The following ZC3HAV1 variants were observed in gnomAD, a reference collection of about 807,000 sequenced individuals.
The protein encoded by ZC3HAV1 is zinc finger CCCH-type containing, antiviral 1.
ZC3HAV1 carries 41 observed loss-of-function variants against 86.6 expected under a neutral mutation model. The observed-to-expected ratio is 0.47, with a 90% CI of 0.37 to 0.61. The LOEUF (loss-of-function observed/expected upper bound fraction) is 0.61, where lower values mean the gene tolerates loss of function less well. Ranked by LOEUF, ZC3HAV1 falls within the 20% of genes least tolerant of loss-of-function variation. ZC3HAV1 has a pLI of 0.00. For missense variants in ZC3HAV1, 964 were observed against 1,141.1 expected (o/e 0.84, Z 2.24); for synonymous variants, 421 against 432.1 (o/e 0.97, Z 0.32).
chr7:139,053,479 A>C lies in ZC3HAV1; in HGVS notation c.2421T>G (p.His807Gln). 1 of 1,602,134 alleles carries C rather than the reference A, an allele frequency of 6.2e-7. No individual in the cohort carries two copies. Among genetic ancestry groups the C allele is most frequent in the East Asian group, 2.2e-5 (1 of 44,528 alleles). ...ICSNNFDSFL[H>Q]ETHENKYGKG... is the part of the protein sequence containing the mutation. ...TTCCGTATTTGTTTTCATGAGTTTC[A>C]TGTAGGAAACTGTCAAAATTATTCG... Residue 807 changes from histidine (H) to glutamine (Q), a missense_variant, in exon 12 of 13, where the codon CAT becomes CAG. Coordinates refer to ENST00000242351, the MANE Select transcript of ZC3HAV1 (RefSeq NM_020119.4).
rs1261458153 is a variant in ZC3HAV1, at chr7:139,045,688, T to A, written c.*1906A>T. 1 of 152,084 alleles carries A rather than the reference T, an allele frequency of 6.6e-6. No homozygotes were observed. Among genetic ancestry groups the A allele is most frequent in the Non-Finnish European group, 1.5e-5 (1 of 68,026 alleles). 9.4% of individuals were successfully genotyped at this position (152,084 alleles called of 1,614,324 possible). On this transcript the variant is annotated 3_prime_UTR_variant, in exon 13 of 13. Transcript: ENST00000242351. Reference sequence around the variant, plus strand: ...GGGAGGTAGATGGAGAGTTCCACTTTGGACATATTGAATCAAAGATGCCTG... The same window carrying A: ...GGGAGGTAGATGGAGAGTTCCACTTAGGACATATTGAATCAAAGATGCCTG...
Position 139,078,641 on chromosome 7 carries a change from T to G in ZC3HAV1, c.1484A>C (p.Asp495Ala). Residue 495 changes from aspartate (D) to alanine (A), a missense_variant, in exon 5 of 13, where the codon GAT (aspartate) becomes GCT (alanine). By Grantham distance (126) the Asp-to-Ala change is moderately radical. Coordinates refer to ENST00000242351, the MANE Select transcript of ZC3HAV1 (RefSeq NM_020119.4). ...CCTAGAAGATGTGGTACTTGTGACA[T>G]CAGATAAAGAATCTATGAAACAAAA... The part of the protein sequence containing the change: ...RVALVNDSLS[D>A]VTSTTSSRVD... 1 of 1,569,782 alleles carries G rather than the reference T, an allele frequency of 6.4e-7. No homozygotes were observed. The highest frequency in any genetic ancestry group is 8.6e-7 in the Non-Finnish European group (1 of 1,167,588).
At chr7:139,079,238 G>A (rs1443217224) in intron 4 of ZC3HAV1, 2 of 1,536,664 alleles carry the variant, frequency 1.3e-6, no homozygotes, top group East Asian at 4.9e-5. Context: ...CTGAGGCAGA[G>A]TGCTGACTTG....
chr7:139,109,522 G>A lies in ZC3HAV1; in HGVS notation c.-191C>T. 1 of 678,024 alleles carries A rather than the reference G, an allele frequency of 1.5e-6. No individual in the cohort carries two copies. Among genetic ancestry groups the A allele is most frequent in the Non-Finnish European group, 2.3e-6 (1 of 431,568 alleles). The allele number at this position is 678,024 out of a possible 1,614,324, so 42.0% of individuals were successfully genotyped here. ...TCCACTCTCGGCTCTCAGGTCAAGA[G>A]GCTAGATCTCACCGACCGGGTCCTA... On this transcript the variant is annotated 5_prime_UTR_variant, in exon 1 of 13. Transcript: ENST00000242351.
At chr7:139,097,401 C>CATATATATATATATATATATATATAT (rs1183885767) in intron 1 of ZC3HAV1, among the ~76,000 whole-genome samples, 4 of 63,854 alleles carry the variant, frequency 6.3e-5, no homozygotes, top group East Asian at 6.2e-4. Context: ...ATTGGAACTC[C>CATATATATATATATATATATATATAT]ATATATATAT....
At chr7:139,092,095 G>A (rs1435576383) in intron 1 of ZC3HAV1, among the ~76,000 whole-genome samples, 2 of 152,212 alleles carry the variant, frequency 1.3e-5, no homozygotes, top group African/African-American at 4.8e-5. Flanking sequence ...ATGGTTACAA[G>A]AAAGTAAACA....
chr7:139,097,225 C>T (rs1817616471), intron 1 of ZC3HAV1, among the ~76,000 whole-genome samples: 1 of 149,252 alleles, frequency 6.7e-6, no homozygotes, highest in African/African-American at 2.4e-5. Flanking sequence ...GGCCCCAACC[C>T]TCCTCTTCGG....
At position 139,108,115 on chromosome 7, in the gene ZC3HAV1, G is replaced by A. The variant is rs1433563975; in HGVS notation, c.308+909C>T. ...CACACGCGGGAGAGGAAGGGCTTGG[G>A]ATCAAGGGAAAGGCCTGGGCAGCGA... On this transcript the variant is annotated intron_variant, in intron 1 of 12. Coordinates refer to ENST00000242351, the MANE Select transcript of ZC3HAV1 (RefSeq NM_020119.4). The surrounding 1 kb of genome is among the most constrained non-coding windows in gnomAD (Gnocchi z 4.2). Among the ~76,000 whole-genome samples, 1 of 152,074 alleles carries A rather than the reference G, an allele frequency of 6.6e-6. No homozygotes were observed. Among genetic ancestry groups the A allele is most frequent in the African/African-American group, 2.4e-5 (1 of 41,412 alleles).
chr7:139,045,606 AG>A lies in ZC3HAV1; in HGVS notation c.*1987del, dbSNP rs1175304647. 1 of 152,170 alleles carries A rather than the reference AG, an allele frequency of 6.6e-6. No homozygotes were observed. Among genetic ancestry groups the A allele is most frequent in the Non-Finnish European group, 1.5e-5 (1 of 68,040 alleles). The allele number at this position is 152,170 out of a possible 1,614,324, so 9.4% of individuals were successfully genotyped here. On this transcript the variant is annotated 3_prime_UTR_variant, in exon 13 of 13. Transcript: ENST00000242351. The stretch of plus-strand genomic sequence containing the variant: ...CAGATTTCTGCTTGAGCCAATGGGT[AG>A]ATGGTGATGCTTTTCACTTACATAC...
chr7:139,102,057 T>G (rs938941170), intron 1 of ZC3HAV1, among the ~76,000 whole-genome samples: 10 of 151,510 alleles, frequency 6.6e-5, no homozygotes, highest in African/African-American at 2.4e-4. Context: ...GAAACTCATG[T>G]ACATGTACAC....
chr7:139,102,433 A>G (rs1563142767), intron 1 of ZC3HAV1, among the ~76,000 whole-genome samples: 1 of 152,196 alleles, frequency 6.6e-6, no homozygotes, highest in East Asian at 1.9e-4. Flanking sequence ...GCCAGTCTCA[A>G]TTTTAATAAT....
intron 9 of ZC3HAV1, among the ~76,000 whole-genome samples, chr7:139,055,504 C>T (rs1048724583): frequency 5.3e-5 from 8 of 152,208 alleles, no homozygotes; most frequent in African/African-American, 1.4e-4. Flanking sequence ...TATTCATAAT[C>T]GGTCAATTAA....
chr7:139,083,245 TG>T lies in ZC3HAV1; in HGVS notation c.697+534del, dbSNP rs199760401. On this transcript the variant is annotated intron_variant, in intron 3 of 12. Coordinates refer to ENST00000242351, the MANE Select transcript of ZC3HAV1 (RefSeq NM_020119.4). Reference sequence around the variant, plus strand: ...AAAATGATATACACTTTTTTAAACCTGGGGGGGGGGGCAATAGTGCTAAGCA... The same window carrying T: ...AAAATGATATACACTTTTTTAAACCTGGGGGGGGGGCAATAGTGCTAAGCA... Among the ~76,000 whole-genome samples the T allele has an allele frequency of 8.3e-3, 1,046 of 125,694 alleles. 2 individuals carry two copies. The highest frequency in any genetic ancestry group is 0.014 in the Middle Eastern group (3 of 216). The allele number at this position is 125,694 out of a possible 152,430, so 82.5% of individuals were successfully genotyped here.
At position 139,083,768 on chromosome 7, in the gene ZC3HAV1, A is replaced by T; in HGVS notation, c.697+12T>A. 6.4e-7 allele frequency: 1 copy of T among 1,572,670 alleles called. No individual in the cohort carries two copies. Among genetic ancestry groups the T allele is most frequent in the Non-Finnish European group, 8.6e-7 (1 of 1,162,306 alleles). Reference sequence around the variant, plus strand: ...AAAGAGTTCACACAATTGAAAAAGAAAAGGCCTTTACCTCTGGGCCCTGGG... The same window carrying T: ...AAAGAGTTCACACAATTGAAAAAGATAAGGCCTTTACCTCTGGGCCCTGGG... On this transcript the variant is annotated intron_variant, in intron 3 of 12. Transcript: ENST00000242351.
At chr7:139,058,668 G>A (rs1025474483) in intron 9 of ZC3HAV1, among the ~76,000 whole-genome samples, 2 of 152,158 alleles carry the variant, frequency 1.3e-5, no homozygotes, top group Non-Finnish European at 2.9e-5. Flanking sequence ...ATGGGAAAGT[G>A]GCATTCCAGC....
At chr7:139,075,151 G>A (rs1342175518) in intron 6 of ZC3HAV1, among the ~76,000 whole-genome samples, 1 of 152,162 alleles carries the variant, frequency 6.6e-6, no homozygotes, top group Admixed American at 6.5e-5. Flanking sequence ...CAAAACGTCA[G>A]TAGTGCTGAG....
intron 2 of ZC3HAV1, 114 bp from the exon 3 acceptor site, chr7:139,084,146 A>G: frequency 7.2e-7 from 1 of 1,382,880 alleles, no homozygotes; most frequent in Non-Finnish European, 9.7e-7. Flanking sequence ...AGATATACCA[A>G]AGGGGGAAAA....
At chr7:139,072,674 C>T (rs1816814331) in intron 7 of ZC3HAV1, among the ~76,000 whole-genome samples, 3 of 152,264 alleles carry the variant, frequency 2.0e-5, no homozygotes, top group South Asian at 2.1e-4. Flanking sequence ...TATTACTATG[C>T]CCCCACTATG....
intron 10 of ZC3HAV1, 54 bp from the exon 11 acceptor site, chr7:139,054,149 T>A: frequency 6.7e-7 from 1 of 1,491,012 alleles, no homozygotes; most frequent in Non-Finnish European, 8.9e-7. Context: ...TAAAGCATGA[T>A]ACATCCACAT....
Sources: allele counts gnomAD v4.1 joint callset (sites outside exome capture counted in the v4.1 genomes callset), GRCh38; gene constraint gnomAD v4.1.1; non-coding constraint Gnocchi (gnomAD v3.1); transcripts MANE v1.5; gene names NCBI Gene and HGNC (gene_info 2026-07-23, HGNC 2026-07-21).